The following CCDC149 variants were observed in gnomAD, a reference collection of about 807,000 sequenced individuals.
CCDC149 encodes coiled-coil domain containing 149.
Under a neutral mutation model 59.9 loss-of-function variants are expected in CCDC149, and 45 were observed. The observed-to-expected ratio is 0.75, with a 90% confidence interval of 0.59 to 0.96. CCDC149 has a LOEUF of 0.96. Among genes scored for constraint, CCDC149 ranks in the 40% least tolerant of loss-of-function variants. The probability of loss-of-function intolerance (pLI) is 0.00; values close to 1 mark genes in which losing one functional copy is unlikely to be tolerated. For missense variants in CCDC149, 584 were observed against 664.7 expected (o/e 0.88, Z 1.33); for synonymous variants, 245 against 260.6 (o/e 0.94, Z 0.58).
chr4:24,844,191 C>G (rs1048505671), intron 4 of CCDC149, among the ~76,000 whole-genome samples: 6 of 152,112 alleles, frequency 3.9e-5, no homozygotes, highest in Non-Finnish European at 8.8e-5. Flanking sequence ...GTGTCTACCC[C>G]ACTTCAGCTC....
chr4:24,865,014 T>C (rs1718611772), intron 3 of CCDC149, among the ~76,000 whole-genome samples: 1 of 152,152 alleles, frequency 6.6e-6, no homozygotes, highest in African/African-American at 2.4e-5. Context: ...AACCTCGCCA[T>C]GGAAAAGTTA....
intron 1 of CCDC149, among the ~76,000 whole-genome samples, chr4:24,898,195 T>C (rs538426902): frequency 7.9e-5 from 12 of 152,238 alleles, no homozygotes; most frequent in African/African-American, 1.4e-4. Context: ...CAGGCAAGGA[T>C]AGGAGCATCG....
At position 24,912,961 on chromosome 4, in the gene CCDC149, CCCCGAGA is replaced by C; in HGVS notation, c.-89_-83del. 1 of 727,574 alleles carries C rather than the reference CCCCGAGA, an allele frequency of 1.4e-6. No homozygotes were observed. The highest frequency in any genetic ancestry group is 1.8e-6 in the Non-Finnish European group (1 of 562,848). 45.1% of individuals were successfully genotyped at this position (727,574 alleles called of 1,614,324 possible). On this transcript the variant is annotated 5_prime_UTR_variant, in exon 1 of 13. Coordinates refer to ENST00000635206, the MANE Select transcript of CCDC149 (RefSeq NM_001330643.2). ...CCGCCGCCGCCCGGGCCCCGCGCGGCCCCGAGAGGGCCCGGCGCCTCCGAGCCGCTGC... is the reference window on the plus strand; with the variant it reads ...CCGCCGCCGCCCGGGCCCCGCGCGGCGGGCCCGGCGCCTCCGAGCCGCTGC...
At chr4:24,977,421 T>G (rs1462097124) in intron 1 of CCDC149, among the ~76,000 whole-genome samples, 1 of 152,138 alleles carries the variant, frequency 6.6e-6, no homozygotes, top group Non-Finnish European at 1.5e-5. Flanking sequence ...CGTGCATTCA[T>G]TTTACAAACT....
intron 1 of CCDC149, among the ~76,000 whole-genome samples, chr4:24,946,469 T>C (rs1166596274): frequency 6.6e-6 from 1 of 152,252 alleles, no homozygotes; most frequent in Admixed American, 6.5e-5. Context: ...ATAACACTTT[T>C]CAATTAAAAT....
chr4:24,826,382 C>G (rs756744923), intron 9 of CCDC149, among the ~76,000 whole-genome samples: 1 of 152,090 alleles, frequency 6.6e-6, no homozygotes, highest in Non-Finnish European at 1.5e-5. Flanking sequence ...AGAAGGGCAT[C>G]GTCCAGGTGG....
intron 1 of CCDC149, among the ~76,000 whole-genome samples, chr4:24,960,398 A>T (rs1723606066): frequency 6.6e-6 from 1 of 152,190 alleles, no homozygotes; most frequent in African/African-American, 2.4e-5. Flanking sequence ...AAGAAGACAG[A>T]AACAAATAGC....
Position 24,911,986 on chromosome 4 carries a change from C to T in CCDC149, c.63+831G>A, listed in dbSNP as rs531583194. Among the ~76,000 whole-genome samples the T allele has an allele frequency of 2.0e-5, 3 of 152,320 alleles. No individual in the cohort carries two copies. The South Asian group carries it at 6.2e-4, about 32-fold the overall frequency. ...CATGGGTAAGTAACACCAGGAATTG[C>T]CCCCACAAATGGTGGCAAACCAGGG... On this transcript the variant is annotated intron_variant, in intron 1 of 12. Transcript: ENST00000635206.
intron 1 of CCDC149, among the ~76,000 whole-genome samples, chr4:24,978,915 A>C (rs1285599098): frequency 2.6e-5 from 4 of 152,198 alleles, no homozygotes; most frequent in African/African-American, 9.6e-5. Flanking sequence ...CTGGTTGTCC[A>C]ACACTCATGG....
At position 24,940,882 on chromosome 4, in the gene CCDC149, C is replaced by T. The variant is rs1211079436; in HGVS notation, c.-65+39187G>A. On this transcript the variant is annotated intron_variant, in intron 1 of 12. Coordinates refer to the CCDC149 transcript ENST00000389609. ...ATATATGTACCCAATACAGGAGCAC[C>T]CAGATTCATAAAGCAAGTCCTTAGT... Among the ~76,000 whole-genome samples, 4 of 152,216 alleles carry T rather than the reference C, an allele frequency of 2.6e-5. No individual in the cohort carries two copies. The East Asian group carries it at 5.8e-4, about 22-fold the overall frequency.
At chr4:24,942,810 G>A (rs903599298) in intron 1 of CCDC149, among the ~76,000 whole-genome samples, 2 of 152,012 alleles carry the variant, frequency 1.3e-5, no homozygotes, top group Non-Finnish European at 2.9e-5. Context: ...GCTTCAAAGA[G>A]AATAAAATGC....
At chr4:24,960,538 T>C (rs1182401953) in intron 1 of CCDC149, among the ~76,000 whole-genome samples, 2 of 152,072 alleles carry the variant, frequency 1.3e-5, no homozygotes, top group African/African-American at 4.8e-5. Context: ...TAGACACAAA[T>C]GTAATAAAAG....
At chr4:24,853,277 T>A in intron 3 of CCDC149, 98 bp from the exon 4 acceptor site, 2 of 871,844 alleles carry the variant, frequency 2.3e-6, no homozygotes, top group East Asian at 2.4e-5. Context: ...CTAACCCCAG[T>A]TGAACCACAC....
At chr4:24,928,079 A>T (rs1189614993) in intron 1 of CCDC149, among the ~76,000 whole-genome samples, 1 of 152,212 alleles carries the variant, frequency 6.6e-6, no homozygotes, top group Non-Finnish European at 1.5e-5. Context: ...AGCATTAGCA[A>T]GAGAGTTCTT....
At chr4:24,894,110 C>T (rs916929562) in intron 1 of CCDC149, among the ~76,000 whole-genome samples, 1 of 152,140 alleles carries the variant, frequency 6.6e-6, no homozygotes, top group African/African-American at 2.4e-5. Context: ...TATCTTTTAG[C>T]TGTACTGAAA....
intron 4 of CCDC149, among the ~76,000 whole-genome samples, chr4:24,851,842 T>C (rs1717677522): frequency 6.6e-6 from 1 of 152,174 alleles, no homozygotes; most frequent in African/African-American, 2.4e-5. Flanking sequence ...CTTTTAATGA[T>C]GAATAAAACC....
intron 3 of CCDC149, among the ~76,000 whole-genome samples, chr4:24,866,807 A>G (rs1324590805): frequency 1.2e-5 from 1 of 81,224 alleles, no homozygotes; most frequent in Non-Finnish European, 2.3e-5. Flanking sequence ...AAAAAAAAAT[A>G]TACACACACA....
At chr4:24,877,702 A>C (rs1719550329) in intron 1 of CCDC149, among the ~76,000 whole-genome samples, 1 of 152,156 alleles carries the variant, frequency 6.6e-6, no homozygotes, top group Non-Finnish European at 1.5e-5. Flanking sequence ...TAAGTATTTT[A>C]GCCACATTTT....
intron 1 of CCDC149, among the ~76,000 whole-genome samples, chr4:24,884,981 T>C (rs1398905673): frequency 2.0e-5 from 3 of 152,030 alleles, no homozygotes; most frequent in Non-Finnish European, 4.4e-5. Context: ...CAAGTGGCAG[T>C]GACAGGGAAA....
Sources: gnomAD v4.1 joint callset for allele counts (sites outside exome capture counted in the v4.1 genomes callset) on GRCh38, gnomAD v4.1.1 for gene constraint, MANE v1.5 for transcripts, NCBI Gene and HGNC (gene_info 2026-07-23, HGNC 2026-07-21) for gene names.